GHR: variants seen among roughly 807,000 people sequenced by gnomAD.
The protein encoded by GHR is growth hormone receptor.
Under a neutral mutation model 67.1 loss-of-function variants are expected in GHR, and 35 were observed. That is an observed-to-expected ratio of 0.52 (90% CI 0.40 to 0.69). The LOEUF (loss-of-function observed/expected upper bound fraction) is 0.69. Ranked by LOEUF, GHR falls within the 30% of genes least tolerant of loss-of-function variation. The probability of loss-of-function intolerance (pLI) is 0.00; values close to 1 mark genes in which losing one functional copy is unlikely to be tolerated. For synonymous variants in GHR, 272 were observed against 269.1 expected (o/e 1.01, Z -0.10); for missense variants, 792 against 764.6 (o/e 1.04, Z -0.42).
rs188353327 is a variant in GHR, at chr5:42,621,243, G to A, written c.71-7795G>A. 5.9e-5 allele frequency among the ~76,000 whole-genome samples: 9 copies of A among 152,188 alleles called. No individual in the cohort carries two copies. In the East Asian group the frequency reaches 1.7e-3, roughly 29 times the overall value. On this transcript the variant is annotated intron_variant, in intron 2 of 9. Coordinates refer to ENST00000230882, the MANE Select transcript of GHR (RefSeq NM_000163.5). Reference sequence around the variant, plus strand: ...GAAGCTTTGCAGAAGGAAGATACAGGCCAGCTGAGAGCCAGCATTCATATT... The same window carrying A: ...GAAGCTTTGCAGAAGGAAGATACAGACCAGCTGAGAGCCAGCATTCATATT...
At chr5:42,509,747 C>A (rs1231643430) in intron 1 of GHR, among the ~76,000 whole-genome samples, 1 of 147,462 alleles carries the variant, frequency 6.8e-6, no homozygotes, top group South Asian at 2.1e-4. Flanking sequence ...TTTTTTTACA[C>A]GTCTACCTCT....
In GHR at chr5:42,449,959, T is replaced by A. The variant is rs556975277; in HGVS notation, c.-12+26004T>A. On this transcript the variant is annotated intron_variant, in intron 1 of 9. Coordinates refer to ENST00000230882, the MANE Select transcript of GHR (RefSeq NM_000163.5). ...TTGACTCGGGTATGGTAAACCTACA[T>A]CCCTGGTATGAAACCACTATATCCC... 2.0e-5 allele frequency among the ~76,000 whole-genome samples: 3 copies of A among 152,218 alleles called. No individual in the cohort carries two copies. In the East Asian group the frequency reaches 5.8e-4, roughly 29 times the overall value.
chr5:42,718,432 C>T (rs780722779), intron 9 of GHR, 21 bp from the exon 10 acceptor site: 1 of 1,559,668 alleles, frequency 6.4e-7, no homozygotes, highest in East Asian at 2.2e-5. Context: ...CATAGATCTT[C>T]ATTTTCTTTC....
intron 1 of GHR, among the ~76,000 whole-genome samples, chr5:42,561,176 T>A (rs905497891): frequency 2.6e-5 from 4 of 152,346 alleles, no homozygotes; most frequent in Admixed American, 1.3e-4. Context: ...CTTTTCCATA[T>A]CCACCAAAGC....
chr5:42,583,692 G>C (rs1011431253), intron 2 of GHR, among the ~76,000 whole-genome samples: 1 of 151,978 alleles, frequency 6.6e-6, no homozygotes, highest in Admixed American at 6.6e-5. Flanking sequence ...CTTTTTAAAG[G>C]TTTCAAAAAT....
At chr5:42,606,490 G>A (rs1752636325) in intron 2 of GHR, among the ~76,000 whole-genome samples, 2 of 152,194 alleles carry the variant, frequency 1.3e-5, no homozygotes, top group South Asian at 4.1e-4. Context: ...CACATGGCAA[G>A]AGATGAGGCA....
chr5:42,433,048 T>C (rs929520328), intron 1 of GHR, among the ~76,000 whole-genome samples: 1 of 152,202 alleles, frequency 6.6e-6, no homozygotes, highest in Non-Finnish European at 1.5e-5. Flanking sequence ...TCACTCAAAC[T>C]TCATGACCTG....
intron 1 of GHR, among the ~76,000 whole-genome samples, chr5:42,442,770 C>A (rs1455758694): frequency 6.6e-6 from 1 of 152,124 alleles, no homozygotes; most frequent in Non-Finnish European, 1.5e-5. Context: ...AACATATTAG[C>A]AATGTGAAAT....
intron 3 of GHR, among the ~76,000 whole-genome samples, chr5:42,687,740 T>C (rs1579610723): frequency 6.6e-6 from 1 of 152,160 alleles, no homozygotes; most frequent in Admixed American, 6.6e-5. Context: ...TCTTTCAAAG[T>C]ATTGACAAAG....
chr5:42,538,982 G>A (rs1748382705), intron 1 of GHR, among the ~76,000 whole-genome samples: 1 of 151,964 alleles, frequency 6.6e-6, no homozygotes, highest in Admixed American at 6.6e-5. Context: ...AGACTTTCCA[G>A]AGCGTTTTGC....
In GHR at chr5:42,719,075, T is replaced by C; in HGVS notation, c.1568T>C (p.Leu523Pro). Residue 523 changes from leucine to proline, a missense_variant, in exon 10 of 10, where the codon CTC (leucine) becomes CCC (proline). By Grantham distance (98) the Leu-to-Pro change is moderately conservative. Transcript: ENST00000230882. ...GACATGCACCCGGAAATGGTCTCACTCTGCCAAGAAAACTTCCTTATGGAC... is the reference window on the plus strand; with the variant it reads ...GACATGCACCCGGAAATGGTCTCACCCTGCCAAGAAAACTTCCTTATGGAC... ...QCDMHPEMVS[L>P]CQENFLMDNA... The C allele has an allele frequency of 6.2e-7, 1 of 1,612,950 alleles. No individual in the cohort carries two copies. Among genetic ancestry groups the C allele is most frequent in the Non-Finnish European group, 8.5e-7 (1 of 1,179,032 alleles).
chr5:42,430,680 A>G (rs1743056385), intron 1 of GHR, among the ~76,000 whole-genome samples: 1 of 150,954 alleles, frequency 6.6e-6, no homozygotes, highest in Non-Finnish European at 1.5e-5. Context: ...TATGGTCTCA[A>G]TTCATACACA....
At chr5:42,609,553 C>T (rs28943884) in intron 2 of GHR, among the ~76,000 whole-genome samples, 1,767 of 152,226 alleles carry the variant, frequency 0.012, 11 homozygotes, top group Non-Finnish European at 0.018. Context: ...TACTTTGGTT[C>T]CTAGCTGTTG....
intron 1 of GHR, among the ~76,000 whole-genome samples, chr5:42,535,295 AG>A (rs1361708318): frequency 6.6e-6 from 1 of 152,116 alleles, no homozygotes; most frequent in Admixed American, 6.6e-5. Context: ...TTCACGTTTT[AG>A]ATTTAAGTCC....
chr5:42,485,259 C>T (rs534450054), intron 1 of GHR, among the ~76,000 whole-genome samples: 3 of 152,152 alleles, frequency 2.0e-5, no homozygotes, highest in Non-Finnish European at 2.9e-5. Flanking sequence ...TATGGTCTTC[C>T]ATCCGGTAAA....
chr5:42,521,530 TGCTGCA>T lies in GHR; in HGVS notation c.-11-44332_-11-44327del, dbSNP rs771382125. On this transcript the variant is annotated intron_variant, in intron 1 of 9. Coordinates refer to ENST00000230882, the MANE Select transcript of GHR (RefSeq NM_000163.5). ...AGTTTCGGATTTGTAAAGCTACTCA[TGCTGCA>T]GATCTTCTCTGAAACATTTCTGTCA... Among the ~76,000 whole-genome samples the T allele has an allele frequency of 2.7e-3, 412 of 152,346 alleles. 3 individuals are homozygous for T. The highest frequency in any genetic ancestry group is 3.1e-3 in the Non-Finnish European group (213 of 68,026).
chr5:42,476,153 T>G (rs1745304067), intron 1 of GHR, among the ~76,000 whole-genome samples: 1 of 152,170 alleles, frequency 6.6e-6, no homozygotes, highest in South Asian at 2.1e-4. Flanking sequence ...TTTGCCCGCC[T>G]CAGCCTCCCA....
intron 1 of GHR, among the ~76,000 whole-genome samples, chr5:42,484,099 T>A (rs1175008479): frequency 6.6e-6 from 1 of 152,144 alleles, no homozygotes; most frequent in Non-Finnish European, 1.5e-5. Flanking sequence ...TGTTTATAAG[T>A]GTGTATCATA....
intron 3 of GHR, among the ~76,000 whole-genome samples, chr5:42,644,225 C>T (rs189627190): frequency 6.6e-6 from 1 of 152,176 alleles, no homozygotes; most frequent in Admixed American, 6.5e-5. Context: ...AAATAAATAT[C>T]AAATAAATCT....
Sources: gnomAD v4.1 joint callset for allele counts (sites outside exome capture counted in the v4.1 genomes callset) on GRCh38, gnomAD v4.1.1 for gene constraint, MANE v1.5 for transcripts, NCBI Gene and HGNC (gene_info 2026-07-23, HGNC 2026-07-21) for gene names.